The following HS3ST2 variants were observed in gnomAD, a reference collection of about 807,000 sequenced individuals.
The protein encoded by HS3ST2 is heparan sulfate-glucosamine 3-sulfotransferase 2.
HS3ST2 carries 17 observed loss-of-function variants against 26.3 expected under a neutral mutation model. The ratio of observed to expected loss-of-function variants is 0.65; its 90% CI spans 0.44 to 0.97. The LOEUF is 0.97. HS3ST2 is among the 50% of genes least tolerant of loss of function. The pLI, the probability that HS3ST2 is intolerant of heterozygous loss-of-function variation, is 0.00. For missense variants in HS3ST2, 402 were observed against 501.2 expected (o/e 0.80, Z 1.89); for synonymous variants, 237 against 219.2 (o/e 1.08, Z -0.72).
chr16:22,851,768 T>C (rs1303200244), intron 1 of HS3ST2, among the ~76,000 whole-genome samples: 1 of 152,176 alleles, frequency 6.6e-6, no homozygotes, highest in African/African-American at 2.4e-5. Context: ...TATTATTCCA[T>C]AAATATTCAC....
chr16:22,904,194 A>G (rs1175987937), intron 1 of HS3ST2, among the ~76,000 whole-genome samples: 1 of 152,146 alleles, frequency 6.6e-6, no homozygotes, highest in East Asian at 1.9e-4. Context: ...TGCAGCCCTC[A>G]CACTAGGAAA....
chr16:22,862,623 T>C (rs1306903605), intron 1 of HS3ST2, among the ~76,000 whole-genome samples: 1 of 152,192 alleles, frequency 6.6e-6, no homozygotes, highest in East Asian at 1.9e-4. Context: ...GGAACCTGGA[T>C]GGCAAACCAG....
chr16:22,860,333 A>G (rs1040055237), intron 1 of HS3ST2, among the ~76,000 whole-genome samples: 2 of 152,124 alleles, frequency 1.3e-5, no homozygotes, highest in African/African-American at 4.8e-5. Context: ...CTTATTCACT[A>G]TCACGAGAAC....
At chr16:22,872,742 G>A (rs1901855177) in intron 1 of HS3ST2, among the ~76,000 whole-genome samples, 1 of 152,146 alleles carries the variant, frequency 6.6e-6, no homozygotes, top group Non-Finnish European at 1.5e-5. Context: ...TCCTGGACCT[G>A]AGAATACAAG....
At chr16:22,837,570 T>C (rs987320965) in intron 1 of HS3ST2, among the ~76,000 whole-genome samples, 5 of 127,960 alleles carry the variant, frequency 3.9e-5, no homozygotes, top group Non-Finnish European at 6.3e-5. Flanking sequence ...TATATACATA[T>C]ATATATATAC....
intron 1 of HS3ST2, among the ~76,000 whole-genome samples, chr16:22,822,580 G>A (rs1901010116): frequency 6.6e-6 from 1 of 152,198 alleles, no homozygotes. Flanking sequence ...TCAGCTGGGT[G>A]CAGTGGCTGA....
chr16:22,856,473 G>T (rs767438395), intron 1 of HS3ST2, among the ~76,000 whole-genome samples: 2 of 152,122 alleles, frequency 1.3e-5, no homozygotes. Context: ...TAAGTCCTCA[G>T]TCTCCTGTCT....
At chr16:22,863,128 A>T (rs1901702298) in intron 1 of HS3ST2, among the ~76,000 whole-genome samples, 1 of 152,230 alleles carries the variant, frequency 6.6e-6, no homozygotes, top group Non-Finnish European at 1.5e-5. Context: ...TGGTAGCCTC[A>T]CTAGTGCCTC....
intron 1 of HS3ST2, among the ~76,000 whole-genome samples, chr16:22,858,986 C>T (rs183668693): frequency 4.6e-4 from 70 of 152,118 alleles, no homozygotes; most frequent in Admixed American, 1.8e-3. Flanking sequence ...GACAACAGAG[C>T]GAGACCCTGT....
intron 1 of HS3ST2, among the ~76,000 whole-genome samples, chr16:22,842,062 C>CTTTTTTTTT (rs11285807): frequency 3.4e-4 from 38 of 111,748 alleles, no homozygotes; most frequent in Non-Finnish European, 4.6e-4. Flanking sequence ...TCTTTTCTTT[C>CTTTTTTTTT]TTTTTTTTTT....
chr16:22,842,066 T>TC (rs1218533655), intron 1 of HS3ST2, among the ~76,000 whole-genome samples: 1 of 110,942 alleles, frequency 9.0e-6, no homozygotes, highest in Non-Finnish European at 2.1e-5. Flanking sequence ...TTCTTTCTTT[T>TC]TTTTTTTTTT....
intron 1 of HS3ST2, among the ~76,000 whole-genome samples, chr16:22,827,791 A>G (rs1353487543): frequency 1.4e-5 from 2 of 146,974 alleles, no homozygotes; most frequent in Non-Finnish European, 3.0e-5. Context: ...GACTCACAGT[A>G]GTCTTGACCC....
At chr16:22,884,373 T>C (rs895342310) in intron 1 of HS3ST2, among the ~76,000 whole-genome samples, 1 of 152,174 alleles carries the variant, frequency 6.6e-6, no homozygotes, top group African/African-American at 2.4e-5. Context: ...TAAACCCAGG[T>C]TCTTCTGACT....
chr16:22,877,973 C>T (rs1357737933), intron 1 of HS3ST2, among the ~76,000 whole-genome samples: 1 of 152,150 alleles, frequency 6.6e-6, no homozygotes. Context: ...AGCAGGAGCC[C>T]ACCCACAAGA....
At chr16:22,895,711 C>T (rs896649614) in intron 1 of HS3ST2, among the ~76,000 whole-genome samples, 2 of 152,098 alleles carry the variant, frequency 1.3e-5, no homozygotes, top group African/African-American at 4.8e-5. Flanking sequence ...TTTTGCTTTT[C>T]TTTTTTTCTG....
At chr16:22,839,642 A>G (rs1252004841) in intron 1 of HS3ST2, among the ~76,000 whole-genome samples, 1 of 151,598 alleles carries the variant, frequency 6.6e-6, no homozygotes, top group Admixed American at 6.6e-5. Context: ...TTGAGATGAC[A>G]TACAGTTTTT....
At chr16:22,825,373 G>T (rs1360331331) in intron 1 of HS3ST2, among the ~76,000 whole-genome samples, 1 of 152,212 alleles carries the variant, frequency 6.6e-6, no homozygotes, top group Non-Finnish European at 1.5e-5. Context: ...TTATTCAGCA[G>T]CATGCTAAGG....
At chr16:22,845,759 T>C (rs1278196112) in intron 1 of HS3ST2, among the ~76,000 whole-genome samples, 4 of 152,352 alleles carry the variant, frequency 2.6e-5, no homozygotes, top group Middle Eastern at 3.4e-3. Flanking sequence ...AACATTTGTT[T>C]AGCAACACAA....
chr16:22,882,577 T>TA (rs1464311788), intron 1 of HS3ST2, among the ~76,000 whole-genome samples: 2 of 151,368 alleles, frequency 1.3e-5, no homozygotes, highest in Admixed American at 6.6e-5. Flanking sequence ...CCACTAAAAA[T>TA]AAAAAAATTA....
Sources: gnomAD v4.1 joint callset for allele counts (sites outside exome capture counted in the v4.1 genomes callset) on GRCh38, gnomAD v4.1.1 for gene constraint, MANE v1.5 for transcripts, NCBI Gene and HGNC (gene_info 2026-07-23, HGNC 2026-07-21) for gene names.